The following DNAH5 variants were observed in gnomAD, a reference collection of about 807,000 sequenced individuals.
The protein encoded by DNAH5 is dynein axonemal heavy chain 5.
DNAH5 carries 372 observed loss-of-function variants against 518.2 expected under a neutral mutation model. That is an observed-to-expected ratio of 0.72 (90% CI 0.66 to 0.78). The LOEUF (loss-of-function observed/expected upper bound fraction) is 0.78. Ranked by LOEUF, DNAH5 falls within the 30% of genes least tolerant of loss-of-function variation. The pLI, the probability that DNAH5 is intolerant of heterozygous loss-of-function variation, is 0.00. For synonymous variants in DNAH5, 2,039 were observed against 2,025.9 expected (o/e 1.01, Z -0.17); for missense variants, 5,523 against 5,687.0 (o/e 0.97, Z 0.93).
rs2152004144 is a variant in DNAH5 at position 13,928,078 on chromosome 5, C to T, written c.277+16G>A. On this transcript the variant is annotated intron_variant, in intron 3 of 78. Transcript: ENST00000265104. Reference sequence around the variant, plus strand: ...AATAACACATTTCTGGGTTATGTCACATCAAATTCAGATACCTGTTTCTGC... The same window carrying T: ...AATAACACATTTCTGGGTTATGTCATATCAAATTCAGATACCTGTTTCTGC... 1.2e-6 allele frequency: 2 copies of T among 1,601,928 alleles called. No homozygotes were observed. The highest frequency in any genetic ancestry group is 1.7e-6 in the Non-Finnish European group (2 of 1,168,908).
intron 1 of DNAH5, among the ~76,000 whole-genome samples, chr5:13,942,077 ACAGACAT>A (rs1420205011): frequency 6.6e-6 from 1 of 152,230 alleles, no homozygotes; most frequent in African/African-American, 2.4e-5. Flanking sequence ...CAGAAAAAAG[ACAGACAT>A]CAGATCTGGA....
chr5:13,760,089 T>C (rs976506371), intron 60 of DNAH5, among the ~76,000 whole-genome samples: 2 of 152,160 alleles, frequency 1.3e-5, no homozygotes, highest in African/African-American at 2.4e-5. Context: ...ACTGTTCCCA[T>C]GGCTCAAAAC....
Position 13,691,864 on chromosome 5 carries a change from C to T in DNAH5, c.*120G>A. The T allele has an allele frequency of 2.5e-6, 3 of 1,207,186 alleles. No individual in the cohort carries two copies. The highest frequency in any genetic ancestry group is 3.6e-6 in the Non-Finnish European group (3 of 832,880). 74.8% of individuals were successfully genotyped at this position (1,207,186 alleles called of 1,614,324 possible). On this transcript the variant is annotated 3_prime_UTR_variant, in exon 79 of 79. Coordinates refer to ENST00000265104, the MANE Select transcript of DNAH5 (RefSeq NM_001369.3). ...AATTAAGGAGTGGGGAAAACCTATG[C>T]AGCTCATTAATTGCATAAACGACCT...
intron 47 of DNAH5, among the ~76,000 whole-genome samples, chr5:13,794,379 C>A (rs1217781296): frequency 6.6e-6 from 1 of 152,198 alleles, no homozygotes; most frequent in African/African-American, 2.4e-5. Context: ...CCCCATTATT[C>A]AAAGTCTTGC....
In DNAH5 at chr5:13,902,057, C is replaced by T. The variant is rs1446207895; in HGVS notation, c.1726G>A (p.Glu576Lys). The part of the protein sequence containing the change: ...NQALRMLKKF[E>K]RLNIPNLGID... ...ACAATTTCTTGAAAATTTTACCTTTCAAATTTCTTCAACATTCTTAGAGCT... is the reference window on the plus strand; with the variant it reads ...ACAATTTCTTGAAAATTTTACCTTTTAAATTTCTTCAACATTCTTAGAGCT... Residue 576 changes from glutamate (E) to lysine (K), a missense_variant, in exon 13 of 79, where the codon GAA becomes AAA. By Grantham distance (56) the Glu-to-Lys change is moderately conservative. Transcript: ENST00000265104. 2.2e-5 allele frequency: 35 copies of T among 1,594,362 alleles called. No homozygotes were observed. The highest frequency in any genetic ancestry group is 3.0e-5 in the Non-Finnish European group (35 of 1,166,690).
intron 61 of DNAH5, among the ~76,000 whole-genome samples, chr5:13,755,616 C>T (rs1471781848): frequency 2.0e-5 from 3 of 152,156 alleles, no homozygotes; most frequent in South Asian, 4.1e-4. Context: ...TATTCCACTT[C>T]GTCCTAATCT....
chr5:13,945,963 T>C (rs1490341570), upstream of DNAH5, among the ~76,000 whole-genome samples: 3 of 152,128 alleles, frequency 2.0e-5, no homozygotes, highest in African/African-American at 7.2e-5. Flanking sequence ...TGTCCGTTTC[T>C]AATAAAAAGT....
intron 31 of DNAH5, among the ~76,000 whole-genome samples, chr5:13,846,403 T>C (rs1473761659): frequency 6.6e-6 from 1 of 152,170 alleles, no homozygotes; most frequent in Non-Finnish European, 1.5e-5. Flanking sequence ...GAATTCACTT[T>C]CTAGGAAAAA....
chr5:13,851,629 T>G (rs1429699666), intron 30 of DNAH5, among the ~76,000 whole-genome samples: 3 of 152,104 alleles, frequency 2.0e-5, no homozygotes, highest in Non-Finnish European at 4.4e-5. Flanking sequence ...CATTTTCTTC[T>G]TTAAAGCTTT....
At chr5:13,901,225 G>A in intron 14 of DNAH5, 27 bp downstream of exon 14, 1 of 1,606,088 alleles carries the variant, frequency 6.2e-7, no homozygotes, top group Non-Finnish European at 8.5e-7. Context: ...TTCCAACAAT[G>A]GGAAGAGTAT....
Position 13,944,543 on chromosome 5 carries a change from T to G in DNAH5, c.-105A>C, listed in dbSNP as rs894506861. On this transcript the variant is annotated 5_prime_UTR_variant, in exon 1 of 79. Coordinates refer to ENST00000265104, the MANE Select transcript of DNAH5 (RefSeq NM_001369.3). ...CAGGCTTCCAAATGGAAAGTTTTACTTCCATTTTACTTTCACGTTTCTAAT... is the reference window on the plus strand; with the variant it reads ...CAGGCTTCCAAATGGAAAGTTTTACGTCCATTTTACTTTCACGTTTCTAAT... 12 of 955,470 alleles carry G rather than the reference T, an allele frequency of 1.3e-5. No homozygotes were observed. Among genetic ancestry groups the G allele is most frequent in the Non-Finnish European group, 2.0e-5 (12 of 606,608 alleles). The allele number at this position is 955,470 out of a possible 1,614,324, so 59.2% of individuals were successfully genotyped here.
intron 33 of DNAH5, 87 bp from the exon 34 acceptor site, chr5:13,841,217 G>T: frequency 9.5e-7 from 1 of 1,054,450 alleles, no homozygotes; most frequent in Non-Finnish European, 1.4e-6. Context: ...AGCTGTGATT[G>T]TTACACAAGT....
intron 55 of DNAH5, 34 bp downstream of exon 55, chr5:13,776,405 T>A: frequency 1.2e-6 from 2 of 1,612,654 alleles, no homozygotes; most frequent in Admixed American, 3.3e-5. Flanking sequence ...CTTGAACACA[T>A]GTTATGCCCT....
chr5:13,742,406 C>T (rs535625701), intron 65 of DNAH5, among the ~76,000 whole-genome samples: 1 of 152,208 alleles, frequency 6.6e-6, no homozygotes, highest in South Asian at 2.1e-4. Context: ...CTTTTCCACT[C>T]ACAGTCACTC....
At chr5:13,873,275 T>C (rs189597898) in intron 22 of DNAH5, among the ~76,000 whole-genome samples, 47 of 152,316 alleles carry the variant, frequency 3.1e-4, no homozygotes, top group African/African-American at 1.1e-3. Context: ...TCATCTTTTA[T>C]AGTAAAGTTC....
chr5:13,866,237 T>C lies in DNAH5; in HGVS notation c.4099A>G (p.Arg1367Gly). Residue 1367 changes from arginine (R) to glycine (G), a missense_variant, in exon 26 of 79, where the codon AGG (arginine) becomes GGG (glycine). Arg to Gly is a moderately radical substitution (Grantham distance 125). Coordinates refer to ENST00000265104, the MANE Select transcript of DNAH5 (RefSeq NM_001369.3). ...SGLKPQEASDRLIMFQNQFDN... is the reference protein window; with the variant it reads ...SGLKPQEASDGLIMFQNQFDN... ...AAGATTACCTGAAACATGATAAGCC[T>C]GTCACTGGCTTCCTGGGGCTTCAAG... 1 of 1,613,664 alleles carries C rather than the reference T, an allele frequency of 6.2e-7. No individual in the cohort carries two copies. Among genetic ancestry groups the C allele is most frequent in the Non-Finnish European group, 8.5e-7 (1 of 1,179,772 alleles).
At chr5:13,877,581 A>T (rs150837133) in intron 21 of DNAH5, among the ~76,000 whole-genome samples, 371 of 152,356 alleles carry the variant, frequency 2.4e-3, no homozygotes, top group Non-Finnish European at 4.0e-3. Context: ...GTCAGAGACC[A>T]GTGGAGAGAC....
At position 13,979,881 on chromosome 5, in the gene DNAH5, C is replaced by T. The variant is rs111716522; in HGVS notation, c.12+31767G>A. Among the ~76,000 whole-genome samples, 967 of 142,632 alleles carry T rather than the reference C, an allele frequency of 6.8e-3. 7 individuals are homozygous for T. Among genetic ancestry groups the T allele is most frequent in the African/African-American group, 0.019 (745 of 38,208 alleles). 93.6% of individuals were successfully genotyped at this position (142,632 alleles called of 152,430 possible). A position where few individuals can be genotyped will look rare whatever the true frequency, so the allele number is the denominator to read the frequency against. ...TTTGAGATGGAGTCTTGCTCTGTTG[C>T]CCAGGCTGGAGTGCAGTGGAGCAAT... On this transcript the variant is annotated intron_variant, in intron 1 of 78. Coordinates refer to the DNAH5 transcript ENST00000681290.
intron 69 of DNAH5, among the ~76,000 whole-genome samples, chr5:13,728,292 A>G (rs556802028): frequency 6.6e-6 from 1 of 152,300 alleles, no homozygotes; most frequent in East Asian, 1.9e-4. Context: ...TGGTAAGCAG[A>G]TCAGAAACAC....
Sources: allele counts gnomAD v4.1 joint callset (sites outside exome capture counted in the v4.1 genomes callset), GRCh38; gene constraint gnomAD v4.1.1; transcripts MANE v1.5; gene names NCBI Gene and HGNC (gene_info 2026-07-23, HGNC 2026-07-21).